MOV10L1: variants seen among roughly 807,000 people sequenced by gnomAD.
The protein encoded by MOV10L1 is RNA helicase Mov10l1.
In MOV10L1, 110 loss-of-function variants were observed where a neutral mutation model predicts 143.8. The observed-to-expected ratio is 0.76, with a 90% CI of 0.66 to 0.90. The LOEUF (loss-of-function observed/expected upper bound fraction) is 0.90, where lower values mean the gene tolerates loss of function less well. Ranked by LOEUF, MOV10L1 falls within the 40% of genes least tolerant of loss-of-function variation. MOV10L1 has a pLI of 0.00. For missense variants in MOV10L1, 1,406 were observed against 1,526.8 expected (o/e 0.92, Z 1.32); for synonymous variants, 593 against 581.1 (o/e 1.02, Z -0.29).
intron 19 of MOV10L1, chr22:50,147,198 C>G (rs768849421): frequency 7.4e-7 from 1 of 1,348,786 alleles, no homozygotes; most frequent in Non-Finnish European, 1.0e-6. Flanking sequence ...CTCAGAGGCA[C>G]TCTGTGCAGA....
intron 13 of MOV10L1, among the ~76,000 whole-genome samples, chr22:50,133,632 C>G (rs1191725693): frequency 6.6e-6 from 1 of 151,948 alleles, no homozygotes; most frequent in African/African-American, 2.4e-5. Flanking sequence ...CCTCTGCCTC[C>G]CAGGTTCAAG....
chr22:50,090,318 G>A (rs1458377974), intron 1 of MOV10L1, 133 bp downstream of exon 1: 11 of 1,469,434 alleles, frequency 7.5e-6, no homozygotes, highest in East Asian at 5.0e-5. Flanking sequence ...CCTCATCTCC[G>A]CTGGCGGGGA....
chr22:50,133,657 C>T (rs1465560027), intron 13 of MOV10L1, among the ~76,000 whole-genome samples: 2 of 152,000 alleles, frequency 1.3e-5, no homozygotes, highest in African/African-American at 4.8e-5. Context: ...TCTCATGCCT[C>T]AGCCTCCTGA....
intron 1 of MOV10L1, 97 bp downstream of exon 1, chr22:50,090,282 G>C (rs1299324616): frequency 2.1e-6 from 3 of 1,445,094 alleles, no homozygotes; most frequent in South Asian, 2.9e-5. Context: ...AGTGCGGGCC[G>C]GCAGGCAACG....
chr22:50,090,476 A>G (rs2062400657), intron 1 of MOV10L1: 3 of 1,610,144 alleles, frequency 1.9e-6, no homozygotes, highest in Non-Finnish European at 2.5e-6. Context: ...TCGTCTCTCC[A>G]TGTCGTTCCT....
At chr22:50,109,848 TAAAAAG>T (rs1006940622) in intron 5 of MOV10L1, among the ~76,000 whole-genome samples, 6 of 150,524 alleles carry the variant, frequency 4.0e-5, no homozygotes, top group Non-Finnish European at 8.9e-5. Context: ...TCTTAAAAAA[TAAAAAG>T]AGAAAGGAAA....
chr22:50,158,067 C>T lies in MOV10L1; in HGVS notation c.3077C>T (p.Ala1026Val), dbSNP rs1017327747. 1.2e-6 allele frequency: 2 copies of T among 1,613,668 alleles called. No individual in the cohort carries two copies. Among genetic ancestry groups the T allele is most frequent in the East Asian group, 4.5e-5 (2 of 44,872 alleles). The change falls in exon 23 of 27, where the codon GCA becomes GTA. Residue 1026 changes from alanine to valine, a missense_variant. Physicochemically the swap from Ala to Val is moderately conservative, Grantham distance 64. Transcript: ENST00000262794. The surrounding 1 kb of genome is among the most constrained non-coding windows in gnomAD (Gnocchi z 5.0). Reference protein sequence around the residue: ...LIFHGVRGSEAREGKSPSWFN... With the variant: ...LIFHGVRGSEVREGKSPSWFN... ...TCCTCATCAACCCAGGGCAGCGAGG[C>T]ACGGGAGGGAAAAAGCCCATCGTGG...
chr22:50,149,035 C>T (rs2147402855), intron 19 of MOV10L1, among the ~76,000 whole-genome samples: 1 of 152,334 alleles, frequency 6.6e-6, no homozygotes, highest in East Asian at 1.9e-4. Flanking sequence ...GCATGCAGGC[C>T]AGGCAGTGCC....
intron 2 of MOV10L1, among the ~76,000 whole-genome samples, chr22:50,092,525 C>A (rs1402237953): frequency 2.0e-5 from 3 of 152,006 alleles, no homozygotes; most frequent in Non-Finnish European, 4.4e-5. Flanking sequence ...GTAGTCCCAG[C>A]TACATGGGAG....
intron 22 of MOV10L1, among the ~76,000 whole-genome samples, chr22:50,155,907 C>A (rs946254138): frequency 6.6e-6 from 1 of 152,024 alleles, no homozygotes; most frequent in Non-Finnish European, 1.5e-5. Context: ...AAAAATTATC[C>A]GGTCATGGTG....
intron 3 of MOV10L1, among the ~76,000 whole-genome samples, chr22:50,102,121 A>C (rs1448818600): frequency 6.6e-6 from 1 of 152,134 alleles, no homozygotes; most frequent in Non-Finnish European, 1.5e-5. Flanking sequence ...AGTATAAAAA[A>C]CCTCAAGTGA....
rs186275301 is a variant in MOV10L1, at chr22:50,125,543, C to T, written c.1721C>T (p.Ala574Val). 2.7e-5 allele frequency: 44 copies of T among 1,614,066 alleles called. No individual in the cohort carries two copies. The East Asian group carries it at 9.6e-4, about 35-fold the overall frequency. ...CTGGTTCTGGAGGTCCCAGGGTTGG[C>T]CGAAGGGAGGCCTTCTCTCTACGCA... ...DLLVLEVPGL[A>V]EGRPSLYAGD... Residue 574 changes from alanine (A) to valine (V), a missense_variant, in exon 11 of 27, where the codon GCC becomes GTC. Physicochemically the swap from Ala to Val is moderately conservative, Grantham distance 64. This residue lies in a region of MOV10L1 where 1,233 missense variants were observed against 1,351.4 expected (regional missense o/e 0.91). Transcript: ENST00000262794.
At position 50,113,686 on chromosome 22, in the gene MOV10L1, G is replaced by A; in HGVS notation, c.782G>A (p.Gly261Glu). The stretch of plus-strand genomic sequence containing the variant: ...GTTCATGAGGCCACTCATTTCTATG[G>A]AACGATTTTGCTGAAGAACAAAGGT... ...APVHEATHFY[G>E]TILLKNKGDI... is the part of the protein sequence containing the mutation. The change falls in exon 6 of 27, where the codon GGA becomes GAA. Residue 261 changes from glycine to glutamate, a missense_variant. Around this residue, in one of 3 missense-constraint regions of MOV10L1, gnomAD observed 1,233 missense variants for 1,351.4 expected, o/e 0.91. Transcript: ENST00000262794. 1.2e-6 allele frequency: 2 copies of A among 1,613,968 alleles called. No homozygotes were observed. The highest frequency in any genetic ancestry group is 2.2e-5 in the South Asian group (2 of 91,054).
chr22:50,134,661 C>G (rs201318419), intron 15 of MOV10L1, 31 bp downstream of exon 15: 1 of 1,590,342 alleles, frequency 6.3e-7, no homozygotes, highest in East Asian at 2.2e-5. Flanking sequence ...TTTCTCTACA[C>G]AGGGGATGGC....
At chr22:50,121,387 T>C (rs975738845) in intron 10 of MOV10L1, among the ~76,000 whole-genome samples, 4 of 152,192 alleles carry the variant, frequency 2.6e-5, no homozygotes, top group Non-Finnish European at 5.9e-5. Flanking sequence ...GGAAACTTAT[T>C]CTGGCAGACG....
chr22:50,090,143 C>T lies in MOV10L1; in HGVS notation c.55C>T (p.Pro19Ser). 7.0e-7 allele frequency: 1 copy of T among 1,424,446 alleles called. No homozygotes were observed. Among genetic ancestry groups the T allele is most frequent in the Non-Finnish European group, 9.2e-7 (1 of 1,091,616 alleles). 88.2% of individuals were successfully genotyped at this position (1,424,446 alleles called of 1,614,324 possible). Reference sequence around the variant, plus strand: ...CTTCTTCTGGAGGACGGCGGACACCCCTAGGGAGGAAGCCGGGCAGCTGGA... The same window carrying T: ...CTTCTTCTGGAGGACGGCGGACACCTCTAGGGAGGAAGCCGGGCAGCTGGA... ...VAFFWRTADT[P>S]REEAGQLEPE... The change falls in exon 1 of 27, where the codon CCT becomes TCT. Residue 19 changes from proline to serine, a missense_variant. Physicochemically the swap from Pro to Ser is moderately conservative, Grantham distance 74. Coordinates refer to ENST00000262794, the MANE Select transcript of MOV10L1 (RefSeq NM_018995.3).
chr22:50,106,071 T>C (rs541877824), intron 3 of MOV10L1, among the ~76,000 whole-genome samples: 57 of 152,356 alleles, frequency 3.7e-4, no homozygotes, highest in Non-Finnish European at 6.2e-4. Context: ...GTGTTGAATT[T>C]CTAAACTTAA....
intron 8 of MOV10L1, among the ~76,000 whole-genome samples, chr22:50,115,468 G>A (rs941574256): frequency 2.0e-5 from 3 of 152,098 alleles, no homozygotes; most frequent in African/African-American, 7.2e-5. Flanking sequence ...CAGTAGAATC[G>A]CTTAAATCCA....
chr22:50,114,207 A>G (rs1180970165), intron 6 of MOV10L1, among the ~76,000 whole-genome samples, 174 bp from the exon 7 acceptor site: 1 of 152,040 alleles, frequency 6.6e-6, no homozygotes, highest in African/African-American at 2.4e-5. Context: ...GTGAGACACC[A>G]CGCCCGGCAT....
Sources: allele counts gnomAD v4.1 joint callset (sites outside exome capture counted in the v4.1 genomes callset), GRCh38; gene constraint gnomAD v4.1.1; regional missense constraint gnomAD v4.1.1; non-coding constraint Gnocchi (gnomAD v3.1); transcripts MANE v1.5; gene names NCBI Gene and HGNC (gene_info 2026-07-23, HGNC 2026-07-21).